CCDC40: variants seen among roughly 807,000 people sequenced by gnomAD.
CCDC40 encodes the protein coiled-coil domain 40 molecular ruler complex subunit.
Under a neutral mutation model 124.5 loss-of-function variants are expected in CCDC40, and 104 were observed. The ratio of observed to expected loss-of-function variants is 0.84; its 90% CI spans 0.71 to 0.98. The LOEUF (loss-of-function observed/expected upper bound fraction) is 0.98. Ranked by LOEUF, CCDC40 falls within the 50% of genes least tolerant of loss-of-function variation. The probability of loss-of-function intolerance (pLI) is 0.00; values close to 1 mark genes in which losing one functional copy is unlikely to be tolerated. For synonymous variants in CCDC40, 580 were observed against 602.9 expected, an observed-to-expected ratio of 0.96 and a Z score of 0.56; for missense variants, 1,463 against 1,503.9, an observed-to-expected ratio of 0.97 and a Z score of 0.45.
At position 80,087,035 on chromosome 17, in the gene CCDC40, A is replaced by G. The variant is rs966046360; in HGVS notation, c.2450-572A>G. The G allele has an allele frequency of 5.4e-6, 1 of 185,106 alleles. No individual in the cohort carries two copies. The highest frequency in any genetic ancestry group is 1.2e-5 in the Non-Finnish European group (1 of 86,186). 11.5% of individuals were successfully genotyped at this position (185,106 alleles called of 1,614,324 possible). ...GGCAGAGAGAGGGGCTCACATGCCC[A>G]TGTCCTGGGGTAGTCAGGGCACACC... On this transcript the variant is annotated intron_variant, in intron 14 of 19. Coordinates refer to ENST00000397545, the MANE Select transcript of CCDC40 (RefSeq NM_017950.4). This position sits in a 1 kb window ranked among gnomAD's most constrained non-coding sequence, Gnocchi z 4.5.
At chr17:80,060,472 A>G (rs932739666) in intron 9 of CCDC40, among the ~76,000 whole-genome samples, 4 of 151,894 alleles carry the variant, frequency 2.6e-5, no homozygotes, top group African/African-American at 9.7e-5. Flanking sequence ...AGGCAGGAGG[A>G]TCACTTAAGC....
In CCDC40 at chr17:80,053,589, T is replaced by G. The variant is rs561558008; in HGVS notation, c.1159+3306T>G. On this transcript the variant is annotated intron_variant, in intron 7 of 19. Transcript: ENST00000397545. ...ATTCAGAATTCTCTTTTTTGTGTTT[T>G]TTGTTTGTTTGTTTGTTTGTTGAGA... Among the ~76,000 whole-genome samples the G allele has an allele frequency of 7.9e-5, 12 of 151,976 alleles. No individual in the cohort carries two copies. In the South Asian group the frequency reaches 2.1e-3, roughly 26 times the overall value.
chr17:80,087,334 C>T lies in CCDC40; in HGVS notation c.2450-273C>T, dbSNP rs1436353298. On this transcript the variant is annotated intron_variant, in intron 14 of 19. Transcript: ENST00000397545. The surrounding 1 kb of genome is among the most constrained non-coding windows in gnomAD (Gnocchi z 4.5). ...GCCCTCCCACACGCCCTGCCCACAC[C>T]TGCTGGCTGTCCCCACAGGCAGGTC... 1.9e-6 allele frequency: 1 copy of T among 516,190 alleles called. No individual in the cohort carries two copies. Among genetic ancestry groups the T allele is most frequent in the African/African-American group, 1.9e-5 (1 of 51,954 alleles). 32.0% of individuals were successfully genotyped at this position (516,190 alleles called of 1,614,324 possible). A position where few individuals can be genotyped will look rare whatever the true frequency, so the allele number is the denominator to read the frequency against.
chr17:80,082,789 T>C (rs1395685182), intron 12 of CCDC40, among the ~76,000 whole-genome samples: 1 of 152,222 alleles, frequency 6.6e-6, no homozygotes, highest in African/African-American at 2.4e-5. Context: ...GCCGAGCCCC[T>C]GTCTGGGCAG....
intron 9 of CCDC40, among the ~76,000 whole-genome samples, chr17:80,059,818 C>T (rs561821997): frequency 6.6e-6 from 1 of 152,240 alleles, no homozygotes; most frequent in African/African-American, 2.4e-5. Flanking sequence ...CCTCGGCCTC[C>T]CAAAGTCCTG....
intron 4 of CCDC40, 115 bp downstream of exon 4, chr17:80,047,517 G>T: frequency 9.2e-7 from 1 of 1,081,918 alleles, no homozygotes; most frequent in East Asian, 2.6e-5. Flanking sequence ...GAGTGGCTGT[G>T]AGCTGAAAGA....
At chr17:80,079,534 A>T (rs529570432) in intron 10 of CCDC40, among the ~76,000 whole-genome samples, 22 of 152,262 alleles carry the variant, frequency 1.4e-4, no homozygotes, top group African/African-American at 5.3e-4. Flanking sequence ...CCATAATTTA[A>T]TCATCCTCAT....
intron 10 of CCDC40, among the ~76,000 whole-genome samples, chr17:80,069,644 A>G (rs1055575574): frequency 6.6e-6 from 1 of 152,188 alleles, no homozygotes; most frequent in African/African-American, 2.4e-5. Context: ...CCAGCTACTC[A>G]GGAGGCTGAG....
chr17:80,086,065 C>G lies in CCDC40; in HGVS notation c.2298C>G (p.His766Gln). The G allele has an allele frequency of 6.2e-7, 1 of 1,614,150 alleles. No homozygotes were observed. Among genetic ancestry groups the G allele is most frequent in the Admixed American group, 1.7e-5 (1 of 60,022 alleles). ...IKRLSKLIDE[H>Q]DGKAVQAQVT... The stretch of plus-strand genomic sequence containing the variant: ...GGCTGAGCAAGCTGATCGACGAGCA[C>G]GATGGCAAGGCGGTCCAGGCCCAGG... Residue 766 changes from histidine to glutamine, a missense_variant, in exon 14 of 20, where the codon CAC (histidine) becomes CAG (glutamine). His to Gln is a conservative substitution (Grantham distance 24, BLOSUM62 0). Coordinates refer to ENST00000397545, the MANE Select transcript of CCDC40 (RefSeq NM_017950.4). This position sits in a 1 kb window ranked among gnomAD's most constrained non-coding sequence, Gnocchi z 5.5.
intron 9 of CCDC40, among the ~76,000 whole-genome samples, chr17:80,064,136 T>C (rs2037973834): frequency 6.6e-6 from 1 of 152,162 alleles, no homozygotes; most frequent in South Asian, 2.1e-4. Context: ...ATTCACACCA[T>C]TTTAGGTTAC....
rs1161681130 is a variant in CCDC40 at position 80,065,466 on chromosome 17, C to G, written c.1441-19C>G. 1 of 1,612,996 alleles carries G rather than the reference C, an allele frequency of 6.2e-7. No individual in the cohort carries two copies. Among genetic ancestry groups the G allele is most frequent in the Admixed American group, 1.7e-5 (1 of 60,018 alleles). On this transcript the variant is annotated intron_variant, in intron 9 of 19. Transcript: ENST00000397545. ...TGAAATGAGACAGCCATTCCTGCCCCCTCCCCTGTTGGCTGCAGGCCTGCA... is the reference window on the plus strand; with the variant it reads ...TGAAATGAGACAGCCATTCCTGCCCGCTCCCCTGTTGGCTGCAGGCCTGCA...
chr17:80,066,410 T>C lies in CCDC40; in HGVS notation c.1562+804T>C. The C allele has an allele frequency of 1.9e-6, 1 of 536,886 alleles. No individual in the cohort carries two copies. Among genetic ancestry groups the C allele is most frequent in the South Asian group, 2.5e-5 (1 of 40,344 alleles). The allele number at this position is 536,886 out of a possible 1,614,324, so 33.3% of individuals were successfully genotyped here. A position where few individuals can be genotyped will look rare whatever the true frequency, so the allele number is the denominator to read the frequency against. ...AAAGAAACAAAATGAAACCATTTTG[T>C]TTTTAAAAGTTTTTAGACCAAAACA... On this transcript the variant is annotated intron_variant, in intron 10 of 19. Coordinates refer to ENST00000397545, the MANE Select transcript of CCDC40 (RefSeq NM_017950.4). The surrounding 1 kb of genome is among the most constrained non-coding windows in gnomAD (Gnocchi z 4.4).
At chr17:80,085,472 C>T (rs2361704) in intron 13 of CCDC40, among the ~76,000 whole-genome samples, 100,534 of 151,940 alleles carry the variant, frequency 0.66, 33,586 homozygotes, top group Middle Eastern at 0.8. Flanking sequence ...ACCCTGCCAG[C>T]GCACCCACCA....
chr17:80,038,029 G>A, intron 1 of CCDC40, 94 bp from the exon 2 acceptor site: 1 of 821,586 alleles, frequency 1.2e-6, no homozygotes, highest in African/African-American at 1.7e-5. Context: ...GAAGTAACAA[G>A]TAAATAAACA....
At chr17:80,065,405 T>A in intron 9 of CCDC40, 80 bp from the exon 10 acceptor site, 1 of 1,577,392 alleles carries the variant, frequency 6.3e-7, no homozygotes, top group Admixed American at 1.7e-5. Flanking sequence ...GATTTGGGAA[T>A]GTGAGGCTCT....
At position 80,039,897 on chromosome 17, in the gene CCDC40, C is replaced by T. The variant is rs567452648; in HGVS notation, c.179C>T (p.Ala60Val). The T allele has an allele frequency of 2.6e-5, 42 of 1,613,562 alleles. No individual in the cohort carries two copies. The African/African-American group carries it at 4.7e-4, about 18-fold the overall frequency. Residue 60 changes from alanine (A) to valine (V), a missense_variant, in exon 3 of 20, where the codon GCG becomes GTG. Ala to Val is a moderately conservative substitution (Grantham distance 64). Coordinates refer to ENST00000397545, the MANE Select transcript of CCDC40 (RefSeq NM_017950.4). ...CATCCTGAGGAAGTCACAACCCAAG[C>T]GGAAGCTGCAATTGAAGAGGGGGAG... The part of the protein sequence containing the change: ...TEHPEEVTTQ[A>V]EAAIEEGEVE...
Position 80,095,436 on chromosome 17 carries a change from CAG to C in CCDC40, c.3007_3008del (p.Arg1003GlyfsTer8), listed in dbSNP as rs1259826263. ...HKQLELRRKIRDVRKATDECT... is the reference protein window; with the variant it reads ...HKQLELRRKIXDVRKATDECT... ...AGCAGCTTGAGCTGCGCCGGAAAAT[CAG>C]GGACGTTCGCAAGGTAGGGAGCAGC... is the stretch of plus-strand genomic sequence containing the variant. On this transcript the variant is annotated frameshift_variant, in exon 18 of 20. Transcript: ENST00000397545. LOFTEE classifies it high-confidence loss of function. The C allele has an allele frequency of 1.2e-6, 2 of 1,614,172 alleles. No individual in the cohort carries two copies. Among genetic ancestry groups the C allele is most frequent in the South Asian group, 2.2e-5 (2 of 91,088 alleles).
At chr17:80,054,846 G>A (rs1301075682) in intron 7 of CCDC40, among the ~76,000 whole-genome samples, 1 of 151,938 alleles carries the variant, frequency 6.6e-6, no homozygotes, top group Non-Finnish European at 1.5e-5. Flanking sequence ...GTGGTGGCAG[G>A]CACCTGTAAT....
chr17:80,086,063 C>G lies in CCDC40; in HGVS notation c.2296C>G (p.His766Asp). ...AAGGCTGAGCAAGCTGATCGACGAG[C>G]ACGATGGCAAGGCGGTCCAGGCCCA... ...IKRLSKLIDE[H>D]DGKAVQAQVT... The change falls in exon 14 of 20, where the codon CAC (histidine) becomes GAC (aspartate). Residue 766 changes from histidine to aspartate, a missense_variant. Physicochemically the swap from His to Asp is moderately conservative, Grantham distance 81. Transcript: ENST00000397545. This position sits in a 1 kb window ranked among gnomAD's most constrained non-coding sequence, Gnocchi z 5.5. 6.2e-7 allele frequency: 1 copy of G among 1,614,164 alleles called. No individual in the cohort carries two copies. Among genetic ancestry groups the G allele is most frequent in the African/African-American group, 1.3e-5 (1 of 75,066 alleles).
Sources: allele counts gnomAD v4.1 joint callset (sites outside exome capture counted in the v4.1 genomes callset), GRCh38; gene constraint gnomAD v4.1.1; non-coding constraint Gnocchi (gnomAD v3.1); transcripts MANE v1.5; gene names NCBI Gene and HGNC (gene_info 2026-07-23, HGNC 2026-07-21).